The following RPH3A variants were observed in gnomAD, a reference collection of about 807,000 sequenced individuals.
RPH3A encodes the protein rabphilin 3A, also known as rabphilin-3A.
RPH3A carries 48 observed loss-of-function variants against 102.2 expected under a neutral mutation model. The observed-to-expected ratio is 0.47, with a 90% CI of 0.37 to 0.60. The LOEUF is 0.60. RPH3A is among the 20% of genes least tolerant of loss of function. The pLI is 0.00. For synonymous variants in RPH3A, 310 were observed against 324.3 expected (o/e 0.96, Z 0.47); for missense variants, 781 against 910.1 (o/e 0.86, Z 1.83).
chr12:112,760,259 A>T (rs2040846979), intron 1 of RPH3A, among the ~76,000 whole-genome samples: 1 of 152,200 alleles, frequency 6.6e-6, no homozygotes. Flanking sequence ...TCTGCTGCTT[A>T]CTAGCTGTGT....
At chr12:112,749,673 AATT>A (rs1252154590) in intron 1 of RPH3A, among the ~76,000 whole-genome samples, 2 of 152,206 alleles carry the variant, frequency 1.3e-5, no homozygotes, top group Non-Finnish European at 2.9e-5. Flanking sequence ...TCAGTAAATA[AATT>A]ATTGTCATAC....
At chr12:112,821,389 G>T (rs866516225) in intron 2 of RPH3A, among the ~76,000 whole-genome samples, 5 of 152,130 alleles carry the variant, frequency 3.3e-5, no homozygotes, top group African/African-American at 1.2e-4. Context: ...AGTTTACATG[G>T]TCTTCATGAT....
intron 1 of RPH3A, among the ~76,000 whole-genome samples, chr12:112,776,598 G>C (rs1003822265): frequency 2.6e-5 from 4 of 152,100 alleles, no homozygotes; most frequent in African/African-American, 9.7e-5. Flanking sequence ...AAGCCGGCTG[G>C]GCACAATGGC....
intron 1 of RPH3A, among the ~76,000 whole-genome samples, chr12:112,693,738 C>T (rs540078312): frequency 6.6e-6 from 1 of 152,268 alleles, no homozygotes; most frequent in South Asian, 2.1e-4. Context: ...TCTAGTGATG[C>T]CCCCTGCTCC....
chr12:112,692,401 C>A (rs537560230), intron 1 of RPH3A, among the ~76,000 whole-genome samples: 1 of 152,132 alleles, frequency 6.6e-6, no homozygotes, highest in East Asian at 1.9e-4. Flanking sequence ...ATATATGTAT[C>A]AAATCAGCAT....
chr12:112,595,809 G>T (rs1004729063), intron 1 of RPH3A, among the ~76,000 whole-genome samples: 8 of 152,154 alleles, frequency 5.3e-5, no homozygotes, highest in Non-Finnish European at 1.0e-4. Context: ...GTAGAGTATT[G>T]ATTTCCGTCC....
chr12:112,845,200 C>T (rs2042209779), intron 4 of RPH3A, among the ~76,000 whole-genome samples: 1 of 152,152 alleles, frequency 6.6e-6, no homozygotes, highest in South Asian at 2.1e-4. Context: ...GGGGACCATC[C>T]TAGAGGCTGG....
chr12:112,842,114 C>T (rs2042157639), intron 4 of RPH3A: 2 of 445,554 alleles, frequency 4.5e-6, no homozygotes, highest in Non-Finnish European at 9.1e-6. Flanking sequence ...GTCAGTGACT[C>T]ATTGTCTTCC....
chr12:112,768,776 G>A (rs1484628610), intron 1 of RPH3A, among the ~76,000 whole-genome samples: 1 of 152,068 alleles, frequency 6.6e-6, no homozygotes, highest in African/African-American at 2.4e-5. Context: ...GCTGGGCATG[G>A]TGACACACTT....
chr12:112,828,329 C>A lies in RPH3A; in HGVS notation c.11C>A (p.Thr4Asn). Residue 4 changes from threonine (T) to asparagine (N), a missense_variant, in exon 3 of 22, where the codon ACC becomes AAC. This residue lies in a region of RPH3A where 730 missense variants were observed against 810.0 expected (regional missense o/e 0.90). Transcript: ENST00000389385. The part of the protein sequence containing the change: MTD[T>N]VFSNSSNRWM... ...CACTAGACATCTACTATGACTGACACCGTGTTCAGCAACAGTTCTAACCGT... is the reference window on the plus strand; with the variant it reads ...CACTAGACATCTACTATGACTGACAACGTGTTCAGCAACAGTTCTAACCGT... 1 of 1,611,482 alleles carries A rather than the reference C, an allele frequency of 6.2e-7. No homozygotes were observed. The highest frequency in any genetic ancestry group is 8.5e-7 in the Non-Finnish European group (1 of 1,178,830).
intron 1 of RPH3A, among the ~76,000 whole-genome samples, chr12:112,653,804 A>G (rs2039992915): frequency 6.6e-6 from 1 of 152,190 alleles, no homozygotes. Context: ...TTAAATCACA[A>G]ACACATTGTA....
intron 1 of RPH3A, among the ~76,000 whole-genome samples, chr12:112,771,997 G>C (rs1485849967): frequency 6.6e-6 from 1 of 152,194 alleles, no homozygotes; most frequent in Non-Finnish European, 1.5e-5. Context: ...AATTTTTACT[G>C]TGAGTCTTGG....
At chr12:112,834,382 T>C (rs1362585845) in intron 3 of RPH3A, among the ~76,000 whole-genome samples, 1 of 152,262 alleles carries the variant, frequency 6.6e-6, no homozygotes, top group Admixed American at 6.5e-5. Context: ...CATTTATCCG[T>C]TGATGGACCA....
intron 13 of RPH3A, among the ~76,000 whole-genome samples, chr12:112,877,461 A>ACACAC (rs1176054466): frequency 5.4e-5 from 7 of 129,400 alleles, no homozygotes; most frequent in African/African-American, 2.4e-4. Context: ...CACACACACC[A>ACACAC]GTGGCATTTC....
chr12:112,865,338 A>G, intron 5 of RPH3A, 76 bp from the exon 6 acceptor site: 3 of 1,540,132 alleles, frequency 1.9e-6, no homozygotes, highest in Admixed American at 1.8e-5. Context: ...GGTGAAGACT[A>G]TCAACCTGAC....
intron 1 of RPH3A, among the ~76,000 whole-genome samples, chr12:112,692,691 A>T (rs1334130080): frequency 1.3e-5 from 2 of 152,214 alleles, no homozygotes; most frequent in African/African-American, 4.8e-5. Flanking sequence ...ATGAATCTGC[A>T]TTGGGAGGGA....
At chr12:112,675,652 T>C (rs2040169357) in intron 1 of RPH3A, among the ~76,000 whole-genome samples, 1 of 152,138 alleles carries the variant, frequency 6.6e-6, no homozygotes, top group Admixed American at 6.5e-5. Flanking sequence ...TTGGGAAGGT[T>C]TTTTGAGGGA....
intron 2 of RPH3A, among the ~76,000 whole-genome samples, chr12:112,817,338 C>A (rs1443633371): frequency 6.6e-6 from 1 of 152,050 alleles, no homozygotes; most frequent in Non-Finnish European, 1.5e-5. Context: ...TCCATTGCAG[C>A]CTCTGAACCC....
At chr12:112,744,372 G>A (rs576353671) in intron 1 of RPH3A, among the ~76,000 whole-genome samples, 2 of 151,886 alleles carry the variant, frequency 1.3e-5, no homozygotes, top group Non-Finnish European at 2.9e-5. Context: ...CACCATACCC[G>A]GCCAGGCTTC....
Sources: allele counts gnomAD v4.1 joint callset (sites outside exome capture counted in the v4.1 genomes callset), GRCh38; gene constraint gnomAD v4.1.1; regional missense constraint gnomAD v4.1.1; transcripts MANE v1.5; gene names NCBI Gene and HGNC (gene_info 2026-07-23, HGNC 2026-07-21).